Variants in LINGO2 observed in about 807,000 individuals in gnomAD.
The protein encoded by LINGO2 is leucine-rich repeat and immunoglobulin-like domain-containing nogo receptor-interacting protein 2.
LINGO2 carries 14 observed loss-of-function variants against 30.6 expected under a neutral mutation model. The observed-to-expected ratio is 0.46, with a 90% CI of 0.30 to 0.72. The LOEUF is 0.72. Among genes scored for constraint, LINGO2 ranks in the 30% least tolerant of loss-of-function variants. LINGO2 has a pLI of 0.07. For missense variants in LINGO2, 729 were observed against 751.7 expected (o/e 0.97, Z 0.35); for synonymous variants, 317 against 288.5 (o/e 1.10, Z -1.00).
chr9:28,542,007 C>G (rs1364005430), intron 1 of LINGO2, among the ~76,000 whole-genome samples: 2 of 152,032 alleles, frequency 1.3e-5, no homozygotes, highest in African/African-American at 2.4e-5. Context: ...CCTGGAAGCA[C>G]ACACTAAAAC....
At chr9:28,411,554 A>C (rs991060398) in intron 2 of LINGO2, among the ~76,000 whole-genome samples, 17 of 152,226 alleles carry the variant, frequency 1.1e-4, no homozygotes, top group African/African-American at 3.8e-4. Flanking sequence ...GTCTGATTTC[A>C]ACAACTCTAG....
chr9:28,038,267 CTA>C (rs1461486636), intron 4 of LINGO2, among the ~76,000 whole-genome samples: 8 of 152,040 alleles, frequency 5.3e-5, no homozygotes, highest in Admixed American at 2.0e-4. Flanking sequence ...AAGAAAACCA[CTA>C]TGAGACCAGA....
chr9:28,117,868 A>G (rs1259569443), intron 4 of LINGO2, among the ~76,000 whole-genome samples: 1 of 152,218 alleles, frequency 6.6e-6, no homozygotes, highest in Admixed American at 6.5e-5. Context: ...TATCACCCCC[A>G]GAATAAATGT....
At chr9:28,881,618 A>G in the LINGO2 span, among the ~76,000 whole-genome samples, 5 of 149,166 alleles carry the variant, frequency 3.4e-5, no homozygotes, top group Non-Finnish European at 5.9e-5. Flanking sequence ...TTTTCAATGT[A>G]CGGTATGGTT....
the LINGO2 span, among the ~76,000 whole-genome samples, chr9:28,847,963 ATATATATGTATATATGTG>A: frequency 7.2e-5 from 3 of 41,626 alleles, no homozygotes; most frequent in Non-Finnish European, 2.3e-4. Context: ...ATATACACAC[ATATATATGTATATATGTG>A]TATATATGTA....
the LINGO2 span, among the ~76,000 whole-genome samples, chr9:28,870,290 C>T: frequency 2.6e-5 from 4 of 152,020 alleles, no homozygotes; most frequent in African/African-American, 7.2e-5. Context: ...TTCCATTCCA[C>T]CCCATGTGTG....
the LINGO2 span, among the ~76,000 whole-genome samples, chr9:28,705,574 G>T: frequency 2.6e-5 from 4 of 152,028 alleles, no homozygotes; most frequent in Non-Finnish European, 5.9e-5. Flanking sequence ...AGAATGCTCC[G>T]GAGTATTTCA....
chr9:28,607,674 A>G (rs1184087727), intron 1 of LINGO2, among the ~76,000 whole-genome samples: 1 of 152,000 alleles, frequency 6.6e-6, no homozygotes, highest in Non-Finnish European at 1.5e-5. Flanking sequence ...CTTACAGCTA[A>G]CCAATTCTAA....
At chr9:28,763,645 T>G in the LINGO2 span, among the ~76,000 whole-genome samples, 1 of 151,308 alleles carries the variant, frequency 6.6e-6, no homozygotes, top group African/African-American at 2.4e-5. Context: ...AAAAAAAAAT[T>G]AAACTCAAAG....
intron 4 of LINGO2, among the ~76,000 whole-genome samples, chr9:28,128,143 A>C (rs1017262170): frequency 1.1e-4 from 16 of 152,218 alleles, no homozygotes; most frequent in African/African-American, 3.9e-4. Flanking sequence ...ACCCATAGAG[A>C]TCATCTGTCT....
intron 1 of LINGO2, among the ~76,000 whole-genome samples, chr9:28,552,267 T>C (rs1471965799): frequency 2.0e-5 from 3 of 152,004 alleles, no homozygotes; most frequent in Non-Finnish European, 4.4e-5. Context: ...CTAGATTGGA[T>C]GCCCTATTCC....
chr9:27,959,311 G>T (rs540308061), intron 5 of LINGO2, among the ~76,000 whole-genome samples: 2 of 151,786 alleles, frequency 1.3e-5, no homozygotes, highest in Non-Finnish European at 2.9e-5. Flanking sequence ...TTTGTCTTCA[G>T]TCCAGTCTTT....
At chr9:28,590,961 T>C (rs1193939481) in intron 1 of LINGO2, among the ~76,000 whole-genome samples, 1 of 152,118 alleles carries the variant, frequency 6.6e-6, no homozygotes, top group Non-Finnish European at 1.5e-5. Flanking sequence ...ATATACACCA[T>C]GGAATACTAT....
At chr9:28,463,977 G>T (rs951793786) in intron 2 of LINGO2, among the ~76,000 whole-genome samples, 1 of 152,074 alleles carries the variant, frequency 6.6e-6, no homozygotes, top group African/African-American at 2.4e-5. Context: ...GCCTGTATAA[G>T]GAGGAAATCC....
At chr9:28,795,822 T>C in the LINGO2 span, among the ~76,000 whole-genome samples, 1 of 152,050 alleles carries the variant, frequency 6.6e-6, no homozygotes, top group South Asian at 2.1e-4. Flanking sequence ...TTTACTAACA[T>C]ATCAGAAGGA....
chr9:29,012,095 C>T, the LINGO2 span, among the ~76,000 whole-genome samples: 12 of 152,228 alleles, frequency 7.9e-5, no homozygotes, highest in Non-Finnish European at 1.0e-4. Flanking sequence ...CGGTGGCTCA[C>T]GTCTGTAATC....
the LINGO2 span, among the ~76,000 whole-genome samples, chr9:28,935,750 C>G: frequency 6.6e-6 from 1 of 151,826 alleles, no homozygotes; most frequent in East Asian, 1.9e-4. Flanking sequence ...AATGGCATTT[C>G]TCACTGTTGA....
rs75625015 is a variant in LINGO2, at chr9:28,661,802, C to CTA, written c.-365+8397_-365+8398insTA. Among the ~76,000 whole-genome samples, 1,414 of 152,230 alleles carry CTA rather than the reference C, an allele frequency of 9.3e-3. 30 individuals are homozygous for CTA. Among genetic ancestry groups the CTA allele is most frequent in the East Asian group, 0.08 (416 of 5,178 alleles). ...CAAGAGACACGCACAGGTTAGGAAA[C>CTA]AGATGAGCTGATTTTCCTTCTTTCA... On this transcript the variant is annotated intron_variant, in intron 1 of 5. Coordinates refer to ENST00000379992, the Ensembl canonical transcript of LINGO2.
chr9:29,191,417 G>A, the LINGO2 span, among the ~76,000 whole-genome samples: 1 of 151,780 alleles, frequency 6.6e-6, no homozygotes, highest in Non-Finnish European at 1.5e-5. Context: ...TCTTATTTTA[G>A]TCATAATATA....
Sources: allele counts gnomAD v4.1 joint callset (sites outside exome capture counted in the v4.1 genomes callset), GRCh38; gene constraint gnomAD v4.1.1; transcripts MANE v1.5; gene names NCBI Gene and HGNC (gene_info 2026-07-23, HGNC 2026-07-21).